The following PCDHA4 variants were observed in gnomAD, a reference collection of about 807,000 sequenced individuals.
PCDHA4 encodes protocadherin alpha-4.
A neutral mutation model predicts 61.4 loss-of-function variants in PCDHA4; 49 were observed. The observed-to-expected ratio is 0.80, with a 90% confidence interval of 0.63 to 1.01. The LOEUF (loss-of-function observed/expected upper bound fraction) is 1.01, where lower values mean the gene tolerates loss of function less well. Among genes scored for constraint, PCDHA4 ranks in the 50% least tolerant of loss-of-function variants. PCDHA4 has a pLI of 0.00. For missense variants in PCDHA4, 1,254 were observed against 1,235.8 expected (o/e 1.01, Z -0.22); for synonymous variants, 590 against 550.3 (o/e 1.07, Z -1.01).
Position 140,809,396 on chromosome 5 carries a change from C to T in PCDHA4, c.2209C>T (p.Pro737Ser). ...PTEGACAPGKPTLVCSSAVGS... is the reference protein window; with the variant it reads ...PTEGACAPGKSTLVCSSAVGS... ...CGAGGGCGCGTGCGCTCCGGGCAAGCCCACGCTGGTGTGCTCCAGTGCGGT... is the reference window on the plus strand; with the variant it reads ...CGAGGGCGCGTGCGCTCCGGGCAAGTCCACGCTGGTGTGCTCCAGTGCGGT... Residue 737 changes from proline to serine, a missense_variant, in exon 1 of 4, where the codon CCC becomes TCC. Coordinates refer to ENST00000530339, the MANE Select transcript of PCDHA4 (RefSeq NM_018907.4). 1 of 1,614,122 alleles carries T rather than the reference C, an allele frequency of 6.2e-7. No homozygotes were observed. Among genetic ancestry groups the T allele is most frequent in the Non-Finnish European group, 8.5e-7 (1 of 1,179,976 alleles).
intron 1 of PCDHA4, chr5:140,824,627 T>TTGTTTG (rs1554130002): frequency 7.5e-6 from 1 of 134,010 alleles, no homozygotes; most frequent in African/African-American, 3.2e-5. Context: ...TTTTTTTTTT[T>TTGTTTG]TTTTTATTTT....
At chr5:140,996,098 A>G (rs1173929406) in intron 3 of PCDHA4, among the ~76,000 whole-genome samples, 1 of 152,214 alleles carries the variant, frequency 6.6e-6, no homozygotes, top group Non-Finnish European at 1.5e-5. Context: ...ATTACATGGA[A>G]TGGTATGGAA....
Position 140,807,340 on chromosome 5 carries a change from C to G in PCDHA4, c.153C>G (p.Asp51Glu). ...HGTFVGRIAQ[D>E]LGLELAELVP... ...CCTTCGTGGGCCGCATCGCGCAGGA[C>G]CTGGGACTGGAGCTGGCGGAGCTGG... Residue 51 changes from aspartate to glutamate, a missense_variant, in exon 1 of 4, where the codon GAC becomes GAG. By Grantham distance (45) the Asp-to-Glu change is conservative. Coordinates refer to ENST00000530339, the MANE Select transcript of PCDHA4 (RefSeq NM_018907.4). 6.2e-7 allele frequency: 1 copy of G among 1,613,272 alleles called. No homozygotes were observed. Among genetic ancestry groups the G allele is most frequent in the Non-Finnish European group, 8.5e-7 (1 of 1,179,906 alleles).
At chr5:140,899,400 AG>A (rs1331352997) in intron 1 of PCDHA4, among the ~76,000 whole-genome samples, 2 of 152,132 alleles carry the variant, frequency 1.3e-5, no homozygotes, top group Non-Finnish European at 2.9e-5. Context: ...TTTAGCATGA[AG>A]GGTTGTTGAA....
At chr5:141,002,133 C>T (rs1172462824) in intron 3 of PCDHA4, among the ~76,000 whole-genome samples, 2 of 152,248 alleles carry the variant, frequency 1.3e-5, no homozygotes, top group African/African-American at 4.8e-5. Context: ...ATAGCCTTTG[C>T]CGGCTGCACT....
intron 1 of PCDHA4, chr5:140,883,651 G>A (rs782597421): frequency 1.9e-6 from 3 of 1,613,652 alleles, no homozygotes; most frequent in Middle Eastern, 1.7e-4. Flanking sequence ...CCGAGTACAC[G>A]GTGTTCGTGA....
chr5:140,809,005 G>T lies in PCDHA4; in HGVS notation c.1818G>T (p.Trp606Cys). The change falls in exon 1 of 4, where the codon TGG becomes TGT. Residue 606 changes from tryptophan to cysteine, a missense_variant. Coordinates refer to ENST00000530339, the MANE Select transcript of PCDHA4 (RefSeq NM_018907.4). ...ATGCTGACTCGGGCTACAACGCGTG[G>T]CTTTCGTACGAGCTGCAGCCGGGGA... ...AVDADSGYNA[W>C]LSYELQPGTG... is the part of the protein sequence containing the mutation. 1 of 1,613,694 alleles carries T rather than the reference G, an allele frequency of 6.2e-7. No individual in the cohort carries two copies. The highest frequency in any genetic ancestry group is 8.5e-7 in the Non-Finnish European group (1 of 1,179,758).
chr5:140,978,911 T>C, intron 1 of PCDHA4, 38 bp from the exon 2 acceptor site: 1 of 1,613,856 alleles, frequency 6.2e-7, no homozygotes, highest in Non-Finnish European at 8.5e-7. Context: ...AACATTGTCT[T>C]GTCATTTTAA....
At chr5:140,856,849 T>G (rs1327483649) in intron 1 of PCDHA4, 1 of 1,593,444 alleles carries the variant, frequency 6.3e-7, no homozygotes, top group African/African-American at 1.3e-5. Flanking sequence ...ACGCTTCTGA[T>G]TCGGATGAAG....
At chr5:140,966,248 G>C (rs2095985597) in intron 1 of PCDHA4, 2 of 322,664 alleles carry the variant, frequency 6.2e-6, no homozygotes, top group Non-Finnish European at 5.6e-6. Context: ...AAGCAGGGGA[G>C]AGACGGTGGA....
chr5:140,916,582 A>G (rs1191941149), intron 1 of PCDHA4, among the ~76,000 whole-genome samples: 7 of 152,188 alleles, frequency 4.6e-5, no homozygotes, highest in Non-Finnish European at 1.0e-4. Flanking sequence ...AATGTCATCC[A>G]TGAGCTAGGG....
chr5:140,945,807 C>G (rs1408404648), intron 1 of PCDHA4, among the ~76,000 whole-genome samples: 1 of 152,120 alleles, frequency 6.6e-6, no homozygotes, highest in African/African-American at 2.4e-5. Context: ...AGACCCTTAT[C>G]TCACACTGTA....
At chr5:140,862,662 C>A (rs1365074780) in intron 1 of PCDHA4, 3 of 546,742 alleles carry the variant, frequency 5.5e-6, no homozygotes, top group South Asian at 1.4e-5. Flanking sequence ...GGGACCGGGA[C>A]GCGCAGGAGA....
chr5:140,983,777 A>G (rs947937417), intron 3 of PCDHA4, among the ~76,000 whole-genome samples: 1 of 152,256 alleles, frequency 6.6e-6, no homozygotes, highest in Non-Finnish European at 1.5e-5. Context: ...ATCTACATAC[A>G]TAACAGATGA....
chr5:140,821,833 C>A, intron 1 of PCDHA4: 1 of 1,614,122 alleles, frequency 6.2e-7, no homozygotes, highest in Non-Finnish European at 8.5e-7. Flanking sequence ...CTGGCTTCTC[C>A]TTGCCTACTG....
intron 3 of PCDHA4, among the ~76,000 whole-genome samples, chr5:141,007,395 C>CAAAAAAAA (rs35800918): frequency 4.0e-3 from 379 of 94,450 alleles, no homozygotes; most frequent in Non-Finnish European, 5.7e-3. Context: ...TACTAAAATA[C>CAAAAAAAA]AAAAAAAAAA....
intron 1 of PCDHA4, among the ~76,000 whole-genome samples, chr5:140,951,706 G>A (rs2094621330): frequency 6.6e-6 from 1 of 152,060 alleles, no homozygotes; most frequent in African/African-American, 2.4e-5. Context: ...CTTTGGGCGG[G>A]GACACAGATC....
chr5:140,840,342 G>C (rs1167042274), intron 1 of PCDHA4, among the ~76,000 whole-genome samples: 2 of 151,918 alleles, frequency 1.3e-5, no homozygotes, highest in African/African-American at 4.8e-5. Flanking sequence ...CAATGTTAGG[G>C]TATACAGGTA....
chr5:140,987,277 A>C (rs1326809190), intron 3 of PCDHA4, among the ~76,000 whole-genome samples: 2 of 152,122 alleles, frequency 1.3e-5, no homozygotes, highest in African/African-American at 4.8e-5. Flanking sequence ...CCGGCAGTCT[A>C]TGTTTTAACA....
Sources: allele counts gnomAD v4.1 joint callset (sites outside exome capture counted in the v4.1 genomes callset), GRCh38; gene constraint gnomAD v4.1.1; transcripts MANE v1.5; gene names NCBI Gene and HGNC (gene_info 2026-07-23, HGNC 2026-07-21).